The following PAK1 variants were observed in gnomAD, a reference collection of about 807,000 sequenced individuals.
The protein encoded by PAK1 is p21 (RAC1) activated kinase 1, also known as serine/threonine-protein kinase PAK 1.
Under a neutral mutation model 67.4 loss-of-function variants are expected in PAK1, and 29 were observed. The ratio of observed to expected loss-of-function variants is 0.43; its 90% CI spans 0.32 to 0.59. The LOEUF (loss-of-function observed/expected upper bound fraction) is 0.59. Ranked by LOEUF, PAK1 falls within the 20% of genes least tolerant of loss-of-function variation. The probability of loss-of-function intolerance (pLI) is 0.07; values close to 1 mark genes in which losing one functional copy is unlikely to be tolerated. For synonymous variants in PAK1, 223 were observed against 237.4 expected, an observed-to-expected ratio of 0.94 and a Z score of 0.56; for missense variants, 337 against 670.7, an observed-to-expected ratio of 0.50 and a Z score of 5.50.
chr11:77,491,564 A>G, the PAK1 span, among the ~76,000 whole-genome samples: 2 of 152,126 alleles, frequency 1.3e-5, no homozygotes, highest in South Asian at 4.1e-4. Flanking sequence ...TAAAGTGTAG[A>G]GTTTTTATTA....
At chr11:77,337,508 T>C in intron 11 of PAK1, 85 bp from the exon 12 acceptor site, 2 of 623,154 alleles carry the variant, frequency 3.2e-6, no homozygotes, top group Non-Finnish European at 5.5e-6. Context: ...TAATTCAACC[T>C]CTTCACTTTA....
intron 1 of PAK1, among the ~76,000 whole-genome samples, chr11:77,427,447 A>C (rs1033789667): frequency 3.3e-5 from 5 of 152,160 alleles, no homozygotes; most frequent in Non-Finnish European, 7.4e-5. Flanking sequence ...TTTTCTCAGA[A>C]AGAGCTCTGG....
chr11:77,474,117 C>G (rs900876086), upstream of PAK1: 1 of 152,286 alleles, frequency 6.6e-6, no homozygotes, highest in South Asian at 2.1e-4. Flanking sequence ...GCCTGACCGC[C>G]TAGTTCACTG....
intron 5 of PAK1, among the ~76,000 whole-genome samples, chr11:77,363,927 G>T (rs1005578293): frequency 6.6e-6 from 1 of 152,264 alleles, no homozygotes; most frequent in Non-Finnish European, 1.5e-5. Flanking sequence ...AACTCCAGAA[G>T]TGTGGGGGTT....
chr11:77,413,394 A>G (rs1954756761), intron 1 of PAK1, among the ~76,000 whole-genome samples: 1 of 152,240 alleles, frequency 6.6e-6, no homozygotes, highest in Non-Finnish European at 1.5e-5. Context: ...AAGAAGCAGC[A>G]GCAGAACTTG....
the PAK1 span, among the ~76,000 whole-genome samples, chr11:77,505,521 C>T: frequency 6.6e-6 from 1 of 152,160 alleles, no homozygotes; most frequent in Non-Finnish European, 1.5e-5. Context: ...CTTTTCTCAT[C>T]TTCCCAAACT....
intron 1 of PAK1, among the ~76,000 whole-genome samples, chr11:77,456,887 G>A (rs1457528796): frequency 4.0e-5 from 6 of 151,872 alleles, no homozygotes; most frequent in Non-Finnish European, 8.8e-5. Context: ...GACTACAGGC[G>A]TGCACCACCA....
intron 1 of PAK1, among the ~76,000 whole-genome samples, chr11:77,423,592 G>A (rs1422627671): frequency 6.6e-6 from 1 of 152,108 alleles, no homozygotes; most frequent in Non-Finnish European, 1.5e-5. Context: ...AGAAAAAAGG[G>A]TGAAACTCAA....
intron 1 of PAK1, among the ~76,000 whole-genome samples, chr11:77,435,660 T>C (rs1165606391): frequency 7.2e-6 from 1 of 139,224 alleles, no homozygotes; most frequent in Non-Finnish European, 1.6e-5. Context: ...CACCTGGCTT[T>C]TTTTTTTTTT....
chr11:77,340,564 A>C, intron 11 of PAK1, 82 bp downstream of exon 11: 1 of 772,902 alleles, frequency 1.3e-6, no homozygotes, highest in South Asian at 1.4e-5. Context: ...GCCCAGGCTG[A>C]GATCTCACTG....
chr11:77,418,469 T>C (rs1955089742), intron 1 of PAK1, among the ~76,000 whole-genome samples: 1 of 152,232 alleles, frequency 6.6e-6, no homozygotes, highest in Admixed American at 6.5e-5. Context: ...TGAAGTTACA[T>C]TAGATTTTTA....
intron 5 of PAK1, among the ~76,000 whole-genome samples, chr11:77,363,883 C>G (rs1354720489): frequency 6.6e-6 from 1 of 152,242 alleles, no homozygotes; most frequent in East Asian, 1.9e-4. Context: ...CTCTGGCATT[C>G]TGGGCAAGGG....
At chr11:77,415,976 G>GTATTATTATTATTATTAT (rs71043573) in intron 1 of PAK1, among the ~76,000 whole-genome samples, 28,107 of 147,194 alleles carry the variant, frequency 0.19, 2,896 homozygotes, top group East Asian at 0.21. Context: ...TGTATTCTTT[G>GTATTATTATTATTATTAT]TATTATTATT....
the PAK1 span, among the ~76,000 whole-genome samples, chr11:77,484,218 T>TA: frequency 0.011 from 1,170 of 110,366 alleles, 11 homozygotes; most frequent in African/African-American, 0.027. Flanking sequence ...AAGTTATCCA[T>TA]AAAAAAAAAA....
chr11:77,507,045 G>A, the PAK1 span, among the ~76,000 whole-genome samples: 3 of 152,212 alleles, frequency 2.0e-5, no homozygotes, highest in African/African-American at 7.2e-5. Context: ...ATAAATAGTT[G>A]TTGAATGACC....
chr11:77,349,392 G>A, intron 8 of PAK1, 105 bp from the exon 9 acceptor site: 1 of 857,928 alleles, frequency 1.2e-6, no homozygotes, highest in South Asian at 1.4e-5. Flanking sequence ...TCAAAAACAA[G>A]AGCAGTAAAA....
At chr11:77,517,704 A>G in the PAK1 span, among the ~76,000 whole-genome samples, 10 of 152,206 alleles carry the variant, frequency 6.6e-5, no homozygotes, top group African/African-American at 1.2e-4. Context: ...ACATTGTAAT[A>G]TGTAATGAAA....
At position 77,332,133 on chromosome 11, in the gene PAK1, G is replaced by A. The variant is rs141051216; in HGVS notation, c.1551+597C>T. Among the ~76,000 whole-genome samples, 16 of 150,822 alleles carry A rather than the reference G, an allele frequency of 1.1e-4. No individual in the cohort carries two copies. The East Asian group carries it at 1.8e-3, about 17-fold the overall frequency. ...TGCACGGCCAACATAGCAAAACCCC[G>A]TCTCTACAAAAAAGTTTTTAAAAAA... On this transcript the variant is annotated intron_variant, in intron 14 of 14. Coordinates refer to ENST00000356341, the MANE Select transcript of PAK1 (RefSeq NM_002576.5).
At chr11:77,491,528 C>CA in the PAK1 span, among the ~76,000 whole-genome samples, 64 of 144,326 alleles carry the variant, frequency 4.4e-4, no homozygotes, top group East Asian at 3.2e-3. Context: ...GACTCTGCCT[C>CA]AAAAAAAAAT....
Sources: allele counts gnomAD v4.1 joint callset (sites outside exome capture counted in the v4.1 genomes callset), GRCh38; gene constraint gnomAD v4.1.1; transcripts MANE v1.5; gene names NCBI Gene and HGNC (gene_info 2026-07-23, HGNC 2026-07-21).